The following TENM2 variants were observed in gnomAD, a reference collection of about 807,000 sequenced individuals.
TENM2 encodes the protein teneurin-2.
Under a neutral mutation model 245.2 loss-of-function variants are expected in TENM2, and 52 were observed. The ratio of observed to expected loss-of-function variants is 0.21; its 90% CI spans 0.17 to 0.27. The LOEUF (loss-of-function observed/expected upper bound fraction) is 0.27, where lower values mean the gene tolerates loss of function less well. Among genes scored for constraint, TENM2 ranks in the 10% least tolerant of loss-of-function variants. TENM2 has a pLI of 1.00. For missense variants in TENM2, 3,046 were observed against 3,666.8 expected (o/e 0.83, Z 4.37); for synonymous variants, 1,363 against 1,438.9 (o/e 0.95, Z 1.19).
chr5:167,624,364 A>C (rs1302071086), intron 2 of TENM2, among the ~76,000 whole-genome samples: 1 of 152,206 alleles, frequency 6.6e-6, no homozygotes, highest in Non-Finnish European at 1.5e-5. Context: ...TGAGAGCTAA[A>C]CATTGGCTAG....
intron 2 of TENM2, among the ~76,000 whole-genome samples, chr5:167,697,771 C>T (rs958870942): frequency 2.0e-5 from 3 of 152,104 alleles, no homozygotes; most frequent in Non-Finnish European, 4.4e-5. Context: ...GTGATCTGCC[C>T]GCCTCAACTT....
At chr5:167,428,704 A>G (rs73373239) in intron 2 of TENM2, among the ~76,000 whole-genome samples, 3,166 of 152,296 alleles carry the variant, frequency 0.021, 104 homozygotes, top group African/African-American at 0.072. Context: ...GTTTTAGTAT[A>G]TAACTCTGAA....
At chr5:167,935,757 G>T (rs1438512562) in intron 3 of TENM2, among the ~76,000 whole-genome samples, 1 of 152,136 alleles carries the variant, frequency 6.6e-6, no homozygotes, top group Non-Finnish European at 1.5e-5. Flanking sequence ...GACTAGAACA[G>T]ACCAAGTCAT....
chr5:167,627,781 T>C (rs965867876), intron 2 of TENM2, among the ~76,000 whole-genome samples: 2 of 152,142 alleles, frequency 1.3e-5, no homozygotes, highest in African/African-American at 4.8e-5. Flanking sequence ...GGGCTCGAAC[T>C]CCTGGCCTCC....
rs151201741 is a variant in TENM2 at position 168,049,310 on chromosome 5, C to A, written c.1309+1761C>A. Among the ~76,000 whole-genome samples the A allele has an allele frequency of 3.9e-3, 587 of 152,320 alleles. 3 individuals carry two copies. The highest frequency in any genetic ancestry group is 0.013 in the African/African-American group (535 of 41,558). On this transcript the variant is annotated intron_variant, in intron 6 of 28. Transcript: ENST00000518659. ...TTATGGGGTCTCCGTCACGTTTTATCCATAAATGTCCTTTAATCTACAAGT... is the reference window on the plus strand; with the variant it reads ...TTATGGGGTCTCCGTCACGTTTTATACATAAATGTCCTTTAATCTACAAGT...
chr5:167,122,761 G>A, the TENM2 span, among the ~76,000 whole-genome samples: 4 of 152,084 alleles, frequency 2.6e-5, no homozygotes, highest in African/African-American at 9.7e-5. Context: ...ATTAAGATTT[G>A]CCTATTTCTA....
the TENM2 span, among the ~76,000 whole-genome samples, chr5:167,263,992 C>G: frequency 6.6e-6 from 1 of 151,546 alleles, no homozygotes; most frequent in Non-Finnish European, 1.5e-5. Context: ...GTAATCCCAG[C>G]TACTTGGGAG....
chr5:167,207,817 G>A, the TENM2 span, among the ~76,000 whole-genome samples: 1 of 152,134 alleles, frequency 6.6e-6, no homozygotes, highest in African/African-American at 2.4e-5. Flanking sequence ...GCACTGGTAC[G>A]ATGCTGACTC....
In TENM2 at chr5:167,612,530, T is replaced by G. The variant is rs185174215; in HGVS notation, c.502+237057T>G. Among the ~76,000 whole-genome samples, 387 of 152,252 alleles carry G rather than the reference T, an allele frequency of 2.5e-3. 5 individuals are homozygous for G. Among genetic ancestry groups the G allele is most frequent in the Non-Finnish European group, 4.1e-4 (28 of 68,026 alleles). On this transcript the variant is annotated intron_variant, in intron 2 of 28. Transcript: ENST00000518659. ...AGTGGCTTGGTGGCATATGATATAT[T>G]CAATATATTTGAAACACTGCTGCAT...
At chr5:167,537,513 T>C (rs1001601800) in intron 2 of TENM2, among the ~76,000 whole-genome samples, 1 of 152,248 alleles carries the variant, frequency 6.6e-6, no homozygotes, top group Non-Finnish European at 1.5e-5. Context: ...AAGGATAGGC[T>C]GACTAAAAGC....
At chr5:168,178,334 G>A (rs540434783) in intron 13 of TENM2, among the ~76,000 whole-genome samples, 1 of 152,296 alleles carries the variant, frequency 6.6e-6, no homozygotes, top group African/African-American at 2.4e-5. Context: ...AACAGAGCAG[G>A]GTAGACCAGG....
the TENM2 span, among the ~76,000 whole-genome samples, chr5:167,085,035 T>C: frequency 2.6e-5 from 4 of 152,328 alleles, no homozygotes; most frequent in South Asian, 8.3e-4. Flanking sequence ...CTCTTTTGCA[T>C]CCTTGAAGGC....
chr5:167,323,300 C>T (rs1055250508), intron 1 of TENM2, among the ~76,000 whole-genome samples: 3 of 152,108 alleles, frequency 2.0e-5, no homozygotes, highest in East Asian at 1.9e-4. Flanking sequence ...GGATAGTAGG[C>T]GGCTGGTTCA....
intron 2 of TENM2, among the ~76,000 whole-genome samples, chr5:167,556,822 C>A (rs978165082): frequency 6.6e-6 from 1 of 152,126 alleles, no homozygotes; most frequent in East Asian, 1.9e-4. Context: ...GCAAGTACCC[C>A]CCATCCCTTG....
intron 2 of TENM2, among the ~76,000 whole-genome samples, chr5:167,664,762 A>G (rs541638693): frequency 6.6e-6 from 1 of 152,344 alleles, no homozygotes; most frequent in Non-Finnish European, 1.5e-5. Context: ...TGTCTTTTAT[A>G]GTAGTACCAA....
At chr5:167,568,681 G>A (rs895218032) in intron 2 of TENM2, among the ~76,000 whole-genome samples, 14 of 149,188 alleles carry the variant, frequency 9.4e-5, no homozygotes, top group African/African-American at 2.8e-4. Flanking sequence ...GTGTGTGTGT[G>A]TATAAAAATA....
intron 2 of TENM2, among the ~76,000 whole-genome samples, chr5:167,814,609 A>T (rs1423993801): frequency 2.0e-5 from 3 of 151,294 alleles, no homozygotes; most frequent in Non-Finnish European, 4.4e-5. Flanking sequence ...TAAGAGGCAC[A>T]TGGTTGAAGT....
At position 167,493,639 on chromosome 5, in the gene TENM2, G is replaced by A. The variant is rs545173796; in HGVS notation, c.502+118166G>A. Among the ~76,000 whole-genome samples the A allele has an allele frequency of 2.6e-5, 4 of 152,214 alleles. No individual in the cohort carries two copies. In the South Asian group the frequency reaches 8.3e-4, roughly 32 times the overall value. ...AGTACTGAGATATGGAGGATTGAAG[G>A]TGAATTACATGATATCTTAGTTCAT... On this transcript the variant is annotated intron_variant, in intron 2 of 28. Transcript: ENST00000518659.
At chr5:167,065,451 G>T in the TENM2 span, among the ~76,000 whole-genome samples, 1 of 152,052 alleles carries the variant, frequency 6.6e-6, no homozygotes, top group Non-Finnish European at 1.5e-5. Context: ...AATTCCTTTT[G>T]ATTGTAATGG....
Sources: gnomAD v4.1 joint callset for allele counts (sites outside exome capture counted in the v4.1 genomes callset) on GRCh38, gnomAD v4.1.1 for gene constraint, MANE v1.5 for transcripts, NCBI Gene and HGNC (gene_info 2026-07-23, HGNC 2026-07-21) for gene names.